DOCK10: variants seen among roughly 807,000 people sequenced by gnomAD.
DOCK10 encodes the protein dedicator of cytokinesis protein 10.
Under a neutral mutation model 280.1 loss-of-function variants are expected in DOCK10, and 145 were observed. The ratio of observed to expected loss-of-function variants is 0.52; its 90% CI spans 0.45 to 0.59. The LOEUF (loss-of-function observed/expected upper bound fraction) is 0.59. Among genes scored for constraint, DOCK10 ranks in the 20% least tolerant of loss-of-function variants. The pLI is 0.00. For synonymous variants in DOCK10, 915 were observed against 942.2 expected (o/e 0.97, Z 0.53); for missense variants, 2,368 against 2,651.7 (o/e 0.89, Z 2.35).
rs1410828694 is a variant in DOCK10, at chr2:225,042,173, A to C, written c.123+79T>G. The C allele has an allele frequency of 7.4e-6, 9 of 1,211,128 alleles. No individual in the cohort carries two copies. The highest frequency in any genetic ancestry group is 6.3e-5 in the African/African-American group (4 of 63,350). 75.0% of individuals were successfully genotyped at this position (1,211,128 alleles called of 1,614,324 possible). On this transcript the variant is annotated intron_variant, in intron 1 of 55. Transcript: ENST00000258390. This position sits in a 1 kb window ranked among gnomAD's most constrained non-coding sequence, Gnocchi z 5.1. The stretch of plus-strand genomic sequence containing the variant: ...GAGCTGCGGGGACCTGGGCCCGCCG[A>C]GCTTTTGGGGAAGCTGGGCTCCGTT...
intron 1 of DOCK10, among the ~76,000 whole-genome samples, chr2:224,967,743 A>AG (rs976236142): frequency 1.3e-5 from 2 of 152,044 alleles, no homozygotes; most frequent in Admixed American, 1.3e-4. Flanking sequence ...AAAAAAAAAA[A>AG]CCACATATAT....
At chr2:224,999,712 G>GGT (rs1553630907) in intron 1 of DOCK10, among the ~76,000 whole-genome samples, 4 of 142,698 alleles carry the variant, frequency 2.8e-5, no homozygotes, top group African/African-American at 1.0e-4. Context: ...CTATAATGGT[G>GGT]TTTTTTTTTT....
intron 1 of DOCK10, among the ~76,000 whole-genome samples, chr2:224,960,931 G>T (rs1298039328): frequency 6.6e-6 from 1 of 151,592 alleles, no homozygotes. Context: ...GTAGAGACGG[G>T]GTTTCACCGT....
At chr2:224,997,403 T>C (rs2126278900) in intron 1 of DOCK10, among the ~76,000 whole-genome samples, 1 of 152,296 alleles carries the variant, frequency 6.6e-6, no homozygotes, top group Non-Finnish European at 1.5e-5. Context: ...GGCTGATTTT[T>C]GTATTTTTAG....
chr2:224,933,856 G>A (rs1047703090), intron 1 of DOCK10, among the ~76,000 whole-genome samples: 15 of 152,152 alleles, frequency 9.9e-5, no homozygotes, highest in African/African-American at 3.4e-4. Flanking sequence ...TTCTATAATC[G>A]GGTTCTCACT....
chr2:224,769,778 C>G (rs1381612668), intron 55 of DOCK10, among the ~76,000 whole-genome samples: 1 of 152,206 alleles, frequency 6.6e-6, no homozygotes, highest in Non-Finnish European at 1.5e-5. Flanking sequence ...TGGTGGTAAA[C>G]AGCCATGACT....
intron 3 of DOCK10, among the ~76,000 whole-genome samples, chr2:224,904,576 T>C (rs778327794): frequency 1.3e-5 from 2 of 152,168 alleles, no homozygotes; most frequent in Non-Finnish European, 2.9e-5. Context: ...TAAATACATA[T>C]GAGTCATTCA....
intron 1 of DOCK10, among the ~76,000 whole-genome samples, chr2:225,022,210 C>T (rs1472387327): frequency 2.0e-5 from 3 of 152,142 alleles, no homozygotes; most frequent in African/African-American, 7.2e-5. Context: ...CTAGATCTAC[C>T]GTTTAAAACT....
chr2:224,974,710 A>T lies in DOCK10; in HGVS notation c.124-43042T>A, dbSNP rs558372722. Among the ~76,000 whole-genome samples the T allele has an allele frequency of 2.8e-5, 4 of 141,486 alleles. No individual in the cohort carries two copies. The East Asian group carries it at 8.1e-4, about 29-fold the overall frequency. The allele number at this position is 141,486 out of a possible 152,430, so 92.8% of individuals were successfully genotyped here. ...TCTAGCCATAAAACTACATGTTTTT[A>T]CTTGGTAATATGATGTTTTTCATCT... is the stretch of plus-strand genomic sequence containing the variant. On this transcript the variant is annotated intron_variant, in intron 1 of 55. Transcript: ENST00000258390.
chr2:225,035,541 A>ATTAT (rs1690201614), intron 1 of DOCK10, among the ~76,000 whole-genome samples: 3 of 53,558 alleles, frequency 5.6e-5, no homozygotes, highest in Non-Finnish European at 7.1e-5. Flanking sequence ...TATGATATAT[A>ATTAT]TTATATATAT....
Position 224,849,616 on chromosome 2 carries a change from G to T in DOCK10, c.2143-17C>A. The T allele has an allele frequency of 6.5e-7, 1 of 1,540,796 alleles. No homozygotes were observed. The highest frequency in any genetic ancestry group is 8.9e-7 in the Non-Finnish European group (1 of 1,125,160). ...ATAAATACACTGTTTGAAAAGTTAT[G>T]AGTTGAACAATTATGAGTGTCTGAA... On this transcript the variant is annotated splice_polypyrimidine_tract_variant and intron_variant, in intron 18 of 55. Coordinates refer to ENST00000258390, the MANE Select transcript of DOCK10 (RefSeq NM_014689.3).
chr2:225,027,837 T>C (rs1014518053), intron 1 of DOCK10, among the ~76,000 whole-genome samples: 2 of 152,180 alleles, frequency 1.3e-5, no homozygotes, highest in Non-Finnish European at 2.9e-5. Flanking sequence ...ACAATCCTCA[T>C]AAGAATTTTG....
chr2:224,996,926 G>A (rs1706287356), intron 1 of DOCK10, among the ~76,000 whole-genome samples: 1 of 152,154 alleles, frequency 6.6e-6, no homozygotes, highest in African/African-American at 2.4e-5. Flanking sequence ...TTGCAGAGAA[G>A]CTGGAGTGAG....
Position 224,841,896 on chromosome 2 carries a change from C to G in DOCK10, c.2569G>C (p.Asp857His). ...TFVVSTVNTQDPHVNAFFQEC... is the reference protein window; with the variant it reads ...TFVVSTVNTQHPHVNAFFQEC... ...TGGAAAAATGCATTCACATGTGGATCCTACAACAGCAAAAAAAAAGTATTT... is the reference window on the plus strand; with the variant it reads ...TGGAAAAATGCATTCACATGTGGATGCTACAACAGCAAAAAAAAAGTATTT... Residue 857 changes from aspartate (D) to histidine (H), a missense_variant and splice_region_variant, in exon 23 of 56, where the codon GAT becomes CAT. This residue lies in a region of DOCK10 where 1,209 missense variants were observed against 1,250.9 expected (regional missense o/e 0.97). Transcript: ENST00000258390. 1 of 1,605,952 alleles carries G rather than the reference C, an allele frequency of 6.2e-7. No homozygotes were observed. The highest frequency in any genetic ancestry group is 8.5e-7 in the Non-Finnish European group (1 of 1,172,832).
intron 1 of DOCK10, among the ~76,000 whole-genome samples, chr2:225,017,110 C>CA (rs11402421): frequency 0.22 from 30,689 of 138,142 alleles, 3,818 homozygotes; most frequent in Middle Eastern, 0.37. Context: ...AAAATTAAAC[C>CA]AAAAAAAAAA....
At chr2:224,912,798 G>T (rs1701103577) in intron 3 of DOCK10, among the ~76,000 whole-genome samples, 1 of 152,094 alleles carries the variant, frequency 6.6e-6, no homozygotes, top group African/African-American at 2.4e-5. Context: ...GGCTGAGGTG[G>T]GTGGATCACT....
chr2:224,858,720 T>C (rs1057474346), intron 14 of DOCK10, among the ~76,000 whole-genome samples: 3 of 152,350 alleles, frequency 2.0e-5, no homozygotes, highest in African/African-American at 7.2e-5. Flanking sequence ...TAGATGGTTT[T>C]GTGATGGCTG....
At chr2:224,980,233 C>G (rs1575144785) in intron 1 of DOCK10, among the ~76,000 whole-genome samples, 1 of 152,174 alleles carries the variant, frequency 6.6e-6, no homozygotes, top group East Asian at 1.9e-4. Context: ...GAGCTCCACT[C>G]CACACCTTCT....
At chr2:224,780,160 C>A (rs1015206738) in intron 50 of DOCK10, among the ~76,000 whole-genome samples, 1 of 152,184 alleles carries the variant, frequency 6.6e-6, no homozygotes, top group African/African-American at 2.4e-5. Flanking sequence ...ATTATAAATG[C>A]CTTGACCCCA....
Sources: gnomAD v4.1 joint callset for allele counts (sites outside exome capture counted in the v4.1 genomes callset) on GRCh38, gnomAD v4.1.1 for gene constraint, gnomAD v4.1.1 regional missense constraint, Gnocchi (gnomAD v3.1) non-coding constraint, MANE v1.5 for transcripts, NCBI Gene and HGNC (gene_info 2026-07-23, HGNC 2026-07-21) for gene names.